The following RPTOR variants were observed in gnomAD, a reference collection of about 807,000 sequenced individuals.
RPTOR encodes regulatory-associated protein of mTOR.
A neutral mutation model predicts 169.9 loss-of-function variants in RPTOR; 21 were observed. The ratio of observed to expected loss-of-function variants is 0.12; its 90% CI spans 0.09 to 0.18. The LOEUF (loss-of-function observed/expected upper bound fraction) is 0.18. Ranked by LOEUF, RPTOR falls within the 10% of genes least tolerant of loss-of-function variation. The pLI, the probability that RPTOR is intolerant of heterozygous loss-of-function variation, is 1.00. For synonymous variants in RPTOR, 732 were observed against 753.2 expected, an observed-to-expected ratio of 0.97 and a Z score of 0.46; for missense variants, 1,133 against 1,855.9, an observed-to-expected ratio of 0.61 and a Z score of 7.16.
chr17:80,833,400 T>G (rs761641365), intron 9 of RPTOR, among the ~76,000 whole-genome samples: 35 of 152,196 alleles, frequency 2.3e-4, no homozygotes, highest in Non-Finnish European at 1.3e-4. Flanking sequence ...ACTCCAGCCC[T>G]GCTTCTCCAG....
intron 3 of RPTOR, among the ~76,000 whole-genome samples, chr17:80,699,347 G>A (rs1327390250): frequency 1.3e-5 from 2 of 151,814 alleles, no homozygotes; most frequent in East Asian, 3.9e-4. Flanking sequence ...CAGTACCCTG[G>A]TGCAGTGATG....
Position 80,730,779 on chromosome 17 carries a change from G to GGGGGC in RPTOR, c.654+73_654+74insGGGGC. On this transcript the variant is annotated intron_variant, in intron 5 of 33. Coordinates refer to ENST00000306801, the MANE Select transcript of RPTOR (RefSeq NM_020761.3). This position sits in a 1 kb window ranked among gnomAD's most constrained non-coding sequence, Gnocchi z 4.2. ...TCCCTGGGGGTGGGGTTTGGGTGGG[G>GGGGGC]AGGTTGGGAGGTGTTGGACATCCTC... 9.6e-6 allele frequency: 6 copies of GGGGGC among 628,118 alleles called. No individual in the cohort carries two copies. The highest frequency in any genetic ancestry group is 1.7e-5 in the Non-Finnish European group (6 of 353,490). 38.9% of individuals were successfully genotyped at this position (628,118 alleles called of 1,614,324 possible).
Position 80,726,058 on chromosome 17 carries a change from C to T in RPTOR, c.508-4502C>T, listed in dbSNP as rs1312783285. ...GTGCACAGGGCAGCCCCACAAGGAGCGGCCCGGCCCCAAATGGCCCTGGTG... is the reference window on the plus strand; with the variant it reads ...GTGCACAGGGCAGCCCCACAAGGAGTGGCCCGGCCCCAAATGGCCCTGGTG... On this transcript the variant is annotated intron_variant, in intron 4 of 33. Coordinates refer to ENST00000306801, the MANE Select transcript of RPTOR (RefSeq NM_020761.3). This position sits in a 1 kb window ranked among gnomAD's most constrained non-coding sequence, Gnocchi z 4.5. 2.6e-5 allele frequency among the ~76,000 whole-genome samples: 4 copies of T among 152,136 alleles called. No individual in the cohort carries two copies. The highest frequency in any genetic ancestry group is 4.4e-5 in the Non-Finnish European group (3 of 68,014).
intron 3 of RPTOR, among the ~76,000 whole-genome samples, chr17:80,696,332 G>A (rs986305079): frequency 6.6e-6 from 1 of 152,068 alleles, no homozygotes; most frequent in Non-Finnish European, 1.5e-5. Context: ...AAATAGAGTG[G>A]GACAGAATTT....
intron 6 of RPTOR, among the ~76,000 whole-genome samples, chr17:80,760,370 C>T (rs995373309): frequency 8.1e-5 from 11 of 135,538 alleles, no homozygotes; most frequent in Non-Finnish European, 1.7e-4. Context: ...GGCGTGATCT[C>T]GGCTCACTGC....
In RPTOR at chr17:80,965,500, G is replaced by C. The variant is rs1248048840; in HGVS notation, c.*1170G>C. On this transcript the variant is annotated 3_prime_UTR_variant, in exon 34 of 34. Coordinates refer to ENST00000306801, the MANE Select transcript of RPTOR (RefSeq NM_020761.3). The stretch of plus-strand genomic sequence containing the variant: ...GCGTGTATGAGCAGTTTTGCAAACA[G>C]AACACAACCACAATGATGGTATTTT... 1.7e-5 allele frequency: 4 copies of C among 233,286 alleles called. No homozygotes were observed. The East Asian group carries it at 1.8e-4, about 11-fold the overall frequency. 14.5% of individuals were successfully genotyped at this position (233,286 alleles called of 1,614,324 possible).
intron 5 of RPTOR, among the ~76,000 whole-genome samples, chr17:80,737,663 T>G (rs2066444880): frequency 6.6e-6 from 1 of 152,252 alleles, no homozygotes. Flanking sequence ...CAGTTTTGCG[T>G]ACCTTATACT....
chr17:80,637,164 CTG>C (rs2065514289), intron 2 of RPTOR, among the ~76,000 whole-genome samples: 1 of 152,186 alleles, frequency 6.6e-6, no homozygotes, highest in Non-Finnish European at 1.5e-5. Flanking sequence ...ATAAGGGTAA[CTG>C]TGTGTGCCTG....
intron 1 of RPTOR, among the ~76,000 whole-genome samples, chr17:80,604,917 CTT>C (rs60893106): frequency 6.8e-6 from 1 of 146,228 alleles, no homozygotes; most frequent in Non-Finnish European, 1.5e-5. Flanking sequence ...CAAGTCATAT[CTT>C]TTTTTTTTTC....
intron 5 of RPTOR, among the ~76,000 whole-genome samples, chr17:80,733,978 C>T (rs1182285581): frequency 6.6e-6 from 1 of 152,128 alleles, no homozygotes; most frequent in Non-Finnish European, 1.5e-5. Flanking sequence ...CTTCTGTTAT[C>T]TGCACTTTCT....
rs117474410 is a variant in RPTOR at position 80,949,690 on chromosome 17, G to A, written c.3370+143G>A. The A allele has an allele frequency of 8.2e-5, 56 of 684,832 alleles. 1 individual carries two copies. The highest frequency in any genetic ancestry group is 1.2e-4 in the Non-Finnish European group (47 of 391,514). 42.4% of individuals were successfully genotyped at this position (684,832 alleles called of 1,614,324 possible). ...CAGAATCCTAAAGCAACAGCTCCCC[G>A]CCAATGTCCCCGAAAGCGTGAGAGC... On this transcript the variant is annotated intron_variant, in intron 28 of 33. Coordinates refer to ENST00000306801, the MANE Select transcript of RPTOR (RefSeq NM_020761.3).
intron 5 of RPTOR, among the ~76,000 whole-genome samples, chr17:80,750,627 CGT>C (rs1477111559): frequency 3.3e-5 from 5 of 152,222 alleles, no homozygotes; most frequent in Admixed American, 2.0e-4. Context: ...AGGTCCACGT[CGT>C]TCCTGGACCC....
intron 13 of RPTOR, among the ~76,000 whole-genome samples, chr17:80,871,926 G>T (rs1056169109): frequency 6.6e-6 from 1 of 152,140 alleles, no homozygotes; most frequent in Non-Finnish European, 1.5e-5. Context: ...TGCCAGTTAG[G>T]GACCCTTCAG....
intron 1 of RPTOR, among the ~76,000 whole-genome samples, chr17:80,621,239 G>A (rs890271732): frequency 6.6e-6 from 1 of 152,158 alleles, no homozygotes; most frequent in Non-Finnish European, 1.5e-5. Flanking sequence ...TGGGACTAAA[G>A]GATGATTCTT....
chr17:80,897,247 C>CA (rs5822374), intron 20 of RPTOR, among the ~76,000 whole-genome samples: 26 of 146,398 alleles, frequency 1.8e-4, no homozygotes, highest in South Asian at 1.5e-3. Flanking sequence ...GACTCCATCT[C>CA]AAAAAAAAAA....
chr17:80,704,871 C>G (rs1265889442), intron 3 of RPTOR, among the ~76,000 whole-genome samples: 2 of 152,224 alleles, frequency 1.3e-5, no homozygotes, highest in Non-Finnish European at 2.9e-5. Context: ...TAAGTTAATT[C>G]AGAGAAAGAA....
At chr17:80,855,332 T>C in intron 11 of RPTOR, 132 bp from the exon 12 acceptor site, 1 of 675,480 alleles carries the variant, frequency 1.5e-6, no homozygotes, top group Non-Finnish European at 2.7e-6. Context: ...GCACCAGCTC[T>C]AGGTAACTGA....
At position 80,853,150 on chromosome 17, in the gene RPTOR, T is replaced by C. The variant is rs537927921; in HGVS notation, c.1315-2314T>C. Among the ~76,000 whole-genome samples the C allele has an allele frequency of 1.1e-4, 17 of 152,194 alleles. No individual in the cohort carries two copies. The South Asian group carries it at 3.5e-3, about 32-fold the overall frequency. ...CTGGACCAGTCACTGCTGCTTAACG[T>C]CGGCTGGTGGCTTCTGGATCTCAAA... On this transcript the variant is annotated intron_variant, in intron 11 of 33. Transcript: ENST00000306801.
At position 80,774,237 on chromosome 17, in the gene RPTOR, G is replaced by A. The variant is rs560998549; in HGVS notation, c.831-17213G>A. On this transcript the variant is annotated intron_variant, in intron 6 of 33. Coordinates refer to ENST00000306801, the MANE Select transcript of RPTOR (RefSeq NM_020761.3). ...GAGTTCTCGGTTCTCGACAGCGCCC[G>A]TGTGATGATGATGCTCACGCTCCGG... 149 of 985,434 alleles carry A rather than the reference G, an allele frequency of 1.5e-4. No homozygotes were observed. In the South Asian group the frequency reaches 2.0e-3, roughly 13 times the overall value. The allele number at this position is 985,434 out of a possible 1,614,324, so 61.0% of individuals were successfully genotyped here.
Sources: allele counts gnomAD v4.1 joint callset (sites outside exome capture counted in the v4.1 genomes callset), GRCh38; gene constraint gnomAD v4.1.1; non-coding constraint Gnocchi (gnomAD v3.1); transcripts MANE v1.5; gene names NCBI Gene and HGNC (gene_info 2026-07-23, HGNC 2026-07-21).